ZC3H11A: variants seen among roughly 807,000 people sequenced by gnomAD.
The protein encoded by ZC3H11A is zinc finger CCCH domain-containing protein 11A.
ZC3H11A carries 22 observed loss-of-function variants against 90.8 expected under a neutral mutation model. That is an observed-to-expected ratio of 0.24 (90% CI 0.17 to 0.35). ZC3H11A has a LOEUF of 0.35. ZC3H11A is among the 10% of genes least tolerant of loss of function. ZC3H11A has a pLI of 1.00. For missense variants in ZC3H11A, 701 were observed against 964.9 expected (o/e 0.73, Z 3.62); for synonymous variants, 294 against 339.8 (o/e 0.87, Z 1.48).
At chr1:203,806,883 T>G (rs1279072197) in intron 2 of ZC3H11A, among the ~76,000 whole-genome samples, 1 of 150,986 alleles carries the variant, frequency 6.6e-6, no homozygotes, top group Non-Finnish European at 1.5e-5. Flanking sequence ...TCAAGTACTT[T>G]TCTTCACTTT....
chr1:203,851,614 G>A (rs1187906389), intron 17 of ZC3H11A, among the ~76,000 whole-genome samples: 1 of 152,152 alleles, frequency 6.6e-6, no homozygotes, highest in Non-Finnish European at 1.5e-5. Context: ...ACAGGCATGA[G>A]CTACCATGCC....
intron 1 of ZC3H11A, chr1:203,800,573 A>T: frequency 1.0e-6 from 1 of 978,882 alleles, no homozygotes; most frequent in Non-Finnish European, 1.4e-6. Flanking sequence ...GGGAAACCTG[A>T]AATCACACAA....
At chr1:203,839,926 C>T (rs1247075279) in intron 11 of ZC3H11A, among the ~76,000 whole-genome samples, 1 of 151,970 alleles carries the variant, frequency 6.6e-6, no homozygotes, top group African/African-American at 2.4e-5. Context: ...GTCTCAGCCT[C>T]CAGAGTATCT....
At position 203,850,577 on chromosome 1, in the gene ZC3H11A, C is replaced by T; in HGVS notation, c.2002C>T (p.Pro668Ser). 1 of 1,613,980 alleles carries T rather than the reference C, an allele frequency of 6.2e-7. No homozygotes were observed. The highest frequency in any genetic ancestry group is 8.5e-7 in the Non-Finnish European group (1 of 1,179,920). The change falls in exon 16 of 18, where the codon CCA becomes TCA. Residue 668 changes from proline to serine, a missense_variant. Pro to Ser is a moderately conservative substitution (Grantham distance 74). Transcript: ENST00000367210. The stretch of plus-strand genomic sequence containing the variant: ...AGTTGTGTCATCCCCCAAATTGGCC[C>T]CAAAACGTAAGGCAGTGGAGATGCA... ...VKVVSSPKLAPKRKAVEMHAA... is the reference protein window; with the variant it reads ...VKVVSSPKLASKRKAVEMHAA...
intron 12 of ZC3H11A, among the ~76,000 whole-genome samples, chr1:203,840,779 G>A (rs189007234): frequency 0.013 from 1,990 of 151,900 alleles, 23 homozygotes; most frequent in Non-Finnish European, 0.014. Context: ...AATTACAGGC[G>A]TACGCCACCA....
intron 9 of ZC3H11A, among the ~76,000 whole-genome samples, chr1:203,833,119 C>G (rs12752055): frequency 6.6e-6 from 1 of 152,006 alleles, no homozygotes; most frequent in Non-Finnish European, 1.5e-5. Context: ...CCTGTAATCC[C>G]GGCACTTTGG....
chr1:203,804,354 G>A (rs910696472), intron 2 of ZC3H11A, among the ~76,000 whole-genome samples: 20 of 151,856 alleles, frequency 1.3e-4, no homozygotes, highest in Admixed American at 5.3e-4. Flanking sequence ...GGGTTTCACC[G>A]TGTTAGACAG....
chr1:203,817,775 C>T (rs954659852), intron 3 of ZC3H11A, among the ~76,000 whole-genome samples: 2 of 151,444 alleles, frequency 1.3e-5, no homozygotes, highest in African/African-American at 4.8e-5. Flanking sequence ...TTTTTTGAGA[C>T]GGAGTCTAGT....
In ZC3H11A at chr1:203,830,669, C is replaced by T. The variant is rs561070881; in HGVS notation, c.700+466C>T. 6.8e-4 allele frequency among the ~76,000 whole-genome samples: 104 copies of T among 151,988 alleles called. 3 individuals are homozygous for T. The South Asian group carries it at 0.02, about 29-fold the overall frequency. Reference sequence around the variant, plus strand: ...CTACTAAAACAAAAAATTAGCCAGGCGGGGTGGCATGCACCTGTAGTCCCA... The same window carrying T: ...CTACTAAAACAAAAAATTAGCCAGGTGGGGTGGCATGCACCTGTAGTCCCA... On this transcript the variant is annotated intron_variant, in intron 8 of 17. Coordinates refer to ENST00000367210, the MANE Select transcript of ZC3H11A (RefSeq NM_001376342.1).
chr1:203,827,637 G>A (rs868233856), intron 4 of ZC3H11A, among the ~76,000 whole-genome samples: 1 of 150,652 alleles, frequency 6.6e-6, no homozygotes, highest in Non-Finnish European at 1.5e-5. Context: ...AGCGGAGATC[G>A]CGCCACTGCA....
intron 4 of ZC3H11A, 123 bp downstream of exon 4, chr1:203,818,812 G>A: frequency 6.2e-6 from 9 of 1,442,386 alleles, no homozygotes; most frequent in Non-Finnish European, 7.5e-6. Context: ...GCTCATGCCT[G>A]TAGTTCCAGC....
chr1:203,849,707 ACAGGCTT>A lies in ZC3H11A; in HGVS notation c.1625_1631del (p.Ala542ValfsTer19). 2 of 1,613,276 alleles carry A rather than the reference ACAGGCTT, an allele frequency of 1.2e-6. No homozygotes were observed. The highest frequency in any genetic ancestry group is 1.7e-6 in the Non-Finnish European group (2 of 1,179,620). On this transcript the variant is annotated splice_acceptor_variant and splice_polypyrimidine_tract_variant and coding_sequence_variant and intron_variant, in exon 15 of 18. Transcript: ENST00000367210. LOFTEE classifies it high-confidence loss of function. The stretch of plus-strand genomic sequence containing the variant: ...TTAATTCTGTCATTCAAATTTATCC[ACAGGCTT>A]CAGGTGAGACCACAGGAGTTGACAT...
At position 203,802,743 on chromosome 1, in the gene ZC3H11A, T is replaced by A. The variant is rs1571908234; in HGVS notation, c.-419T>A. Reference sequence around the variant, plus strand: ...TTTTTTGTTTTTTTTTTGTTTTGTTTTGTTTTGTTTTTGAGGAGATAACTA... The same window carrying A: ...TTTTTTGTTTTTTTTTTGTTTTGTTATGTTTTGTTTTTGAGGAGATAACTA... On this transcript the variant is annotated 5_prime_UTR_variant, in exon 2 of 18. The change creates a new upstream start codon in the 5' untranslated region. Coordinates refer to ENST00000367210, the MANE Select transcript of ZC3H11A (RefSeq NM_001376342.1). The A allele has an allele frequency of 6.6e-6, 1 of 152,378 alleles. No individual in the cohort carries two copies. Among genetic ancestry groups the A allele is most frequent in the Non-Finnish European group, 1.5e-5 (1 of 67,982 alleles). The allele number at this position is 152,378 out of a possible 1,614,324, so 9.4% of individuals were successfully genotyped here. A position where few individuals can be genotyped will look rare whatever the true frequency, so the allele number is the denominator to read the frequency against.
intron 17 of ZC3H11A, 105 bp downstream of exon 17, chr1:203,851,229 C>G (rs1356549979): frequency 4.0e-6 from 4 of 1,003,038 alleles, no homozygotes; most frequent in Admixed American, 5.0e-5. Flanking sequence ...TCAAATAAAT[C>G]TGTTGCACTT....
intron 2 of ZC3H11A, among the ~76,000 whole-genome samples, chr1:203,810,801 A>C (rs1265160169): frequency 6.6e-6 from 1 of 151,868 alleles, no homozygotes; most frequent in East Asian, 1.9e-4. Context: ...ATTTCTCCAC[A>C]CTCTGCCCAA....
At position 203,805,960 on chromosome 1, in the gene ZC3H11A, G is replaced by A. The variant is rs937636048; in HGVS notation, c.-146+2944G>A. The A allele has an allele frequency of 1.5e-5, 9 of 615,690 alleles. No individual in the cohort carries two copies. In the East Asian group the frequency reaches 3.5e-4, roughly 24 times the overall value. 38.1% of individuals were successfully genotyped at this position (615,690 alleles called of 1,614,324 possible). On this transcript the variant is annotated intron_variant, in intron 2 of 17. Coordinates refer to ENST00000367210, the MANE Select transcript of ZC3H11A (RefSeq NM_001376342.1). ...TCCCAGTTTCATAGCATCAACCGTG[G>A]TCTTGGTATCCTTCAATGACTGGAT...
chr1:203,827,456 G>T (rs998461017), intron 4 of ZC3H11A, among the ~76,000 whole-genome samples: 1 of 151,454 alleles, frequency 6.6e-6, no homozygotes, highest in East Asian at 1.9e-4. Flanking sequence ...TGAGGCGGGC[G>T]GATCACGAGG....
At chr1:203,815,158 C>T (rs1675829795) in intron 2 of ZC3H11A, among the ~76,000 whole-genome samples, 1 of 149,924 alleles carries the variant, frequency 6.7e-6, no homozygotes, top group African/African-American at 2.5e-5. Context: ...AAATAGTCTC[C>T]AGTTTTTGAA....
At chr1:203,829,202 T>G (rs1241998385) in intron 5 of ZC3H11A, 9 of 544,820 alleles carry the variant, frequency 1.7e-5, no homozygotes, top group Admixed American at 1.3e-4. Context: ...GTACTATGCT[T>G]CTTCTAGTCT....
Sources: allele counts gnomAD v4.1 joint callset (sites outside exome capture counted in the v4.1 genomes callset), GRCh38; gene constraint gnomAD v4.1.1; transcripts MANE v1.5; gene names NCBI Gene and HGNC (gene_info 2026-07-23, HGNC 2026-07-21).